The following KDM2B variants were observed in gnomAD, a reference collection of about 807,000 sequenced individuals.
KDM2B encodes lysine demethylase 2B.
In KDM2B, 26 loss-of-function variants were observed where a neutral mutation model predicts 150.0. That is an observed-to-expected ratio of 0.17 (90% CI 0.13 to 0.24). KDM2B has a LOEUF of 0.24. Ranked by LOEUF, KDM2B falls within the 10% of genes least tolerant of loss-of-function variation. The probability of loss-of-function intolerance (pLI) is 1.00; values close to 1 mark genes in which losing one functional copy is unlikely to be tolerated. For missense variants in KDM2B, 1,265 were observed against 1,816.9 expected (o/e 0.70, Z 5.52); for synonymous variants, 734 against 729.5 (o/e 1.01, Z -0.10).
At position 121,468,599 on chromosome 12, in the gene KDM2B, AGG is replaced by A. The variant is rs1880383410; in HGVS notation, c.1735-15257_1735-15256del. On this transcript the variant is annotated intron_variant, in intron 12 of 22. Transcript: ENST00000377071. This position sits in a 1 kb window ranked among gnomAD's most constrained non-coding sequence, Gnocchi z 4.0. Reference sequence around the variant, plus strand: ...TTTCCCAAGAATAAGCCATGAAATCAGGTGATCAGCTCTGCAATGGCCATCTG... The same window carrying A: ...TTTCCCAAGAATAAGCCATGAAATCATGATCAGCTCTGCAATGGCCATCTG... 6.6e-6 allele frequency: 1 copy of A among 152,296 alleles called. No individual in the cohort carries two copies. Among genetic ancestry groups the A allele is most frequent in the African/African-American group, 2.4e-5 (1 of 41,462 alleles). 9.4% of individuals were successfully genotyped at this position (152,296 alleles called of 1,614,324 possible).
chr12:121,498,264 T>C (rs1315060298), intron 11 of KDM2B, among the ~76,000 whole-genome samples: 2 of 152,118 alleles, frequency 1.3e-5, no homozygotes, highest in Admixed American at 6.6e-5. Flanking sequence ...CCACAGGACA[T>C]TTCAGCCACT....
At chr12:121,507,647 G>A (rs1028198061) in intron 11 of KDM2B, among the ~76,000 whole-genome samples, 1 of 152,154 alleles carries the variant, frequency 6.6e-6, no homozygotes, top group Admixed American at 6.6e-5. Context: ...ATCCCTAGGA[G>A]GACATCTGTT....
At chr12:121,529,089 C>T (rs146699694) in intron 8 of KDM2B, among the ~76,000 whole-genome samples, 75 of 152,288 alleles carry the variant, frequency 4.9e-4, no homozygotes, top group African/African-American at 1.8e-3. Flanking sequence ...AAAACCTCAA[C>T]AAAATACTAG....
At chr12:121,506,578 C>T (rs923571497) in intron 11 of KDM2B, among the ~76,000 whole-genome samples, 5 of 152,118 alleles carry the variant, frequency 3.3e-5, no homozygotes, top group South Asian at 4.1e-4. Flanking sequence ...CCGAGGCAGG[C>T]GGATCACAAA....
chr12:121,486,660 C>T (rs959029155), intron 12 of KDM2B, among the ~76,000 whole-genome samples: 2 of 151,998 alleles, frequency 1.3e-5, no homozygotes, highest in Non-Finnish European at 2.9e-5. Flanking sequence ...GTAGCAGGTG[C>T]CTATAATCCC....
At chr12:121,418,038 C>A in the KDM2B span, 2 of 990,216 alleles carry the variant, frequency 2.0e-6, no homozygotes, top group Non-Finnish European at 3.0e-6. Flanking sequence ...AGCTTCCACA[C>A]CCAGCTGAAC....
chr12:121,487,851 G>A (rs1275568521), intron 12 of KDM2B, among the ~76,000 whole-genome samples: 9 of 148,930 alleles, frequency 6.0e-5, no homozygotes, highest in South Asian at 2.1e-4. Context: ...TCGCGATCTC[G>A]GCTCACTGCA....
At chr12:121,446,346 C>T (rs371843353) in intron 13 of KDM2B, among the ~76,000 whole-genome samples, 4 of 152,144 alleles carry the variant, frequency 2.6e-5, no homozygotes, top group East Asian at 3.9e-4. Context: ...TGCAGTGAGC[C>T]GAGACCATGC....
At chr12:121,444,868 C>T (rs1356707761) in intron 14 of KDM2B, 3 of 452,068 alleles carry the variant, frequency 6.6e-6, no homozygotes. Flanking sequence ...GAGCTCAGCG[C>T]CTGGCATGCA....
chr12:121,523,283 G>C (rs1490823107), intron 8 of KDM2B, among the ~76,000 whole-genome samples: 1 of 152,242 alleles, frequency 6.6e-6, no homozygotes, highest in Non-Finnish European at 1.5e-5. Context: ...GGCAAAAGGA[G>C]AAACGCAGAG....
intron 12 of KDM2B, among the ~76,000 whole-genome samples, chr12:121,471,684 A>G (rs897918672): frequency 6.6e-6 from 1 of 151,782 alleles, no homozygotes; most frequent in Non-Finnish European, 1.5e-5. Flanking sequence ...CCAGCGTGAA[A>G]CCCCTTTCCT....
the KDM2B span, chr12:121,420,919 C>T: frequency 9.2e-6 from 6 of 650,756 alleles, no homozygotes; most frequent in African/African-American, 1.1e-4. Context: ...GTTACATGAG[C>T]CTGTTTATAG....
intron 12 of KDM2B, among the ~76,000 whole-genome samples, chr12:121,463,331 A>G (rs1177037523): frequency 6.6e-6 from 1 of 151,912 alleles, no homozygotes; most frequent in Non-Finnish European, 1.5e-5. Flanking sequence ...AAAAAAAAGC[A>G]CTAAGACAAA....
At chr12:121,557,504 T>G (rs880001329) in intron 4 of KDM2B, among the ~76,000 whole-genome samples, 2 of 152,042 alleles carry the variant, frequency 1.3e-5, no homozygotes, top group Admixed American at 6.6e-5. Flanking sequence ...CCTCCCAAAG[T>G]GCTGGGATTA....
At chr12:121,415,613 TTAAA>T in the KDM2B span, among the ~76,000 whole-genome samples, 1 of 152,064 alleles carries the variant, frequency 6.6e-6, no homozygotes, top group Admixed American at 6.6e-5. Flanking sequence ...GACCCTGTTT[TTAAA>T]TAAATAAATT....
chr12:121,422,660 C>T, the KDM2B span, among the ~76,000 whole-genome samples: 1 of 152,220 alleles, frequency 6.6e-6, no homozygotes, highest in Non-Finnish European at 1.5e-5. Flanking sequence ...CCTTTGATCT[C>T]CTCTGACCTG....
chr12:121,484,356 G>A (rs1191321064), intron 12 of KDM2B, among the ~76,000 whole-genome samples: 1 of 152,188 alleles, frequency 6.6e-6, no homozygotes, highest in Non-Finnish European at 1.5e-5. Context: ...CTCCGAGAAG[G>A]AAGGAGTGTA....
At position 121,535,743 on chromosome 12, in the gene KDM2B, G is replaced by T. The variant is rs552351172; in HGVS notation, c.684-1153C>A. On this transcript the variant is annotated intron_variant, in intron 6 of 22. Transcript: ENST00000377071. Reference sequence around the variant, plus strand: ...CAGCCATCCCCTTCTCAGTGCTATGGAGGGCTGGAGAGCCCACCCTTCCTT... The same window carrying T: ...CAGCCATCCCCTTCTCAGTGCTATGTAGGGCTGGAGAGCCCACCCTTCCTT... Among the ~76,000 whole-genome samples the T allele has an allele frequency of 4.6e-5, 7 of 152,306 alleles. No homozygotes were observed. The East Asian group carries it at 1.3e-3, about 29-fold the overall frequency.
downstream of KDM2B, among the ~76,000 whole-genome samples, chr12:121,428,644 G>GTTGT (rs1872634693): frequency 6.6e-6 from 1 of 152,142 alleles, no homozygotes; most frequent in Non-Finnish European, 1.5e-5. Context: ...CACTAGAGCA[G>GTTGT]TTGTTTCTGT....
Sources: gnomAD v4.1 joint callset for allele counts (sites outside exome capture counted in the v4.1 genomes callset) on GRCh38, gnomAD v4.1.1 for gene constraint, Gnocchi (gnomAD v3.1) non-coding constraint, MANE v1.5 for transcripts, NCBI Gene and HGNC (gene_info 2026-07-23, HGNC 2026-07-21) for gene names.